ADARB2: variants seen among roughly 807,000 people sequenced by gnomAD.
ADARB2 encodes inactive double-stranded RNA-specific editase B2.
Under a neutral mutation model 62.2 loss-of-function variants are expected in ADARB2, and 25 were observed. That is an observed-to-expected ratio of 0.40 (90% CI 0.29 to 0.56). ADARB2 has a LOEUF of 0.56. ADARB2 is among the 20% of genes least tolerant of loss of function. The pLI is 0.43. For missense variants in ADARB2, 1,071 were observed against 1,077.4 expected (o/e 0.99, Z 0.08); for synonymous variants, 572 against 500.8 (o/e 1.14, Z -1.90).
chr10:1,291,269 T>C (rs895438245), intron 3 of ADARB2: 1 of 152,236 alleles, frequency 6.6e-6, no homozygotes, highest in African/African-American at 2.4e-5. Flanking sequence ...CAGACCTCTT[T>C]GTCCCATGAC....
At position 1,302,695 on chromosome 10, in the gene ADARB2, T is replaced by G. The variant is rs377463219; in HGVS notation, c.1078-31626A>C. ...GCTGGAGATCTGAGAACGGGCAGAC[T>G]GCCTCCTCAAGTGGGTCCCTGACCC... On this transcript the variant is annotated intron_variant, in intron 3 of 9. Transcript: ENST00000381312. Among the ~76,000 whole-genome samples, 11 of 152,360 alleles carry G rather than the reference T, an allele frequency of 7.2e-5. No homozygotes were observed. The South Asian group carries it at 2.1e-3, about 29-fold the overall frequency.
chr10:1,479,754 G>A (rs1831444383), intron 1 of ADARB2, among the ~76,000 whole-genome samples: 1 of 152,196 alleles, frequency 6.6e-6, no homozygotes, highest in African/African-American at 2.4e-5. Context: ...ATTGATTTAT[G>A]TTGATCAAAG....
At chr10:1,442,208 T>C (rs1830915836) in intron 1 of ADARB2, among the ~76,000 whole-genome samples, 1 of 152,224 alleles carries the variant, frequency 6.6e-6, no homozygotes, top group African/African-American at 2.4e-5. Context: ...GTTTCCCTTT[T>C]TCCAAGAACC....
chr10:1,194,388 C>T (rs1836879416), intron 8 of ADARB2, among the ~76,000 whole-genome samples: 1 of 152,210 alleles, frequency 6.6e-6, no homozygotes, highest in African/African-American at 2.4e-5. Flanking sequence ...CTGAAACTTC[C>T]AGCTTGCCGG....
chr10:1,220,947 T>TATTTTTGGAGGTGTTC (rs1329076820), intron 6 of ADARB2, among the ~76,000 whole-genome samples: 5 of 152,210 alleles, frequency 3.3e-5, no homozygotes, highest in African/African-American at 1.2e-4. Context: ...CCTGAGTGTT[T>TATTTTTGGAGGTGTTC]ATTTTTGGAG....
At chr10:1,303,652 G>A (rs993589180) in intron 3 of ADARB2, among the ~76,000 whole-genome samples, 1 of 151,974 alleles carries the variant, frequency 6.6e-6, no homozygotes, top group African/African-American at 2.4e-5. Context: ...CCCTCAAAGG[G>A]AAGCCCATCA....
chr10:1,697,999 C>T (rs1168543330), intron 1 of ADARB2, among the ~76,000 whole-genome samples: 6 of 152,136 alleles, frequency 3.9e-5, no homozygotes, highest in East Asian at 1.9e-4. Flanking sequence ...CAATAATACG[C>T]GACTTTCACC....
intron 3 of ADARB2, among the ~76,000 whole-genome samples, chr10:1,298,720 A>ATTTTTT (rs75978268): frequency 1.8e-5 from 2 of 110,778 alleles, no homozygotes; most frequent in South Asian, 2.6e-4. Context: ...TGCGACGGGA[A>ATTTTTT]TTTTTTTTTT....
intron 3 of ADARB2, among the ~76,000 whole-genome samples, chr10:1,317,204 C>T (rs965556414): frequency 2.6e-5 from 4 of 152,136 alleles, no homozygotes; most frequent in Non-Finnish European, 1.5e-5. Context: ...TAAAGTCTTA[C>T]TTATATTAGA....
intron 1 of ADARB2, among the ~76,000 whole-genome samples, chr10:1,437,849 AGGG>A (rs1405817967): frequency 5.3e-5 from 8 of 152,232 alleles, no homozygotes; most frequent in African/African-American, 1.7e-4. Flanking sequence ...TGGGACGTGT[AGGG>A]CAGATGGAAT....
chr10:1,404,302 C>T (rs1213018695), intron 1 of ADARB2, among the ~76,000 whole-genome samples: 1 of 152,178 alleles, frequency 6.6e-6, no homozygotes, highest in African/African-American at 2.4e-5. Context: ...TCGGGAGATG[C>T]CCAGGCTGGT....
chr10:1,603,806 T>C (rs1252104139), intron 1 of ADARB2, among the ~76,000 whole-genome samples: 3 of 151,916 alleles, frequency 2.0e-5, no homozygotes, highest in African/African-American at 7.3e-5. Context: ...ATATATTTTA[T>C]TTATTTATTT....
At chr10:1,695,604 G>T (rs190754788) in intron 1 of ADARB2, among the ~76,000 whole-genome samples, 18 of 140,008 alleles carry the variant, frequency 1.3e-4, no homozygotes, top group Non-Finnish European at 1.9e-4. Context: ...TGTATACACA[G>T]AAACATGCAT....
chr10:1,196,324 A>G (rs988437816), intron 8 of ADARB2, among the ~76,000 whole-genome samples: 6 of 149,934 alleles, frequency 4.0e-5, no homozygotes, highest in African/African-American at 1.2e-4. Context: ...TCTATTCTCA[A>G]TGTAGGATTG....
intron 1 of ADARB2, among the ~76,000 whole-genome samples, chr10:1,429,027 G>GA (rs562862167): frequency 2.0e-5 from 3 of 149,446 alleles, no homozygotes; most frequent in African/African-American, 7.4e-5. Flanking sequence ...CAGGTGGGTG[G>GA]GGGCACCAGT....
intron 1 of ADARB2, among the ~76,000 whole-genome samples, chr10:1,685,752 G>T (rs1834589795): frequency 6.6e-6 from 1 of 152,158 alleles, no homozygotes; most frequent in Non-Finnish European, 1.5e-5. Flanking sequence ...ACACCCCAAG[G>T]GTCCTGCCCA....
chr10:1,690,589 A>AAGGAGAGAAAGGCAGAT (rs1588353809), intron 1 of ADARB2, among the ~76,000 whole-genome samples: 1 of 152,044 alleles, frequency 6.6e-6, no homozygotes, highest in East Asian at 1.9e-4. Context: ...AAATAACTGG[A>AAGGAGAGAAAGGCAGAT]AGGAGAGAAA....
intron 1 of ADARB2, among the ~76,000 whole-genome samples, chr10:1,507,869 C>T (rs1831871825): frequency 6.6e-6 from 1 of 152,180 alleles, no homozygotes; most frequent in African/African-American, 2.4e-5. Context: ...ACCATGGTGC[C>T]CTTCTTGCCG....
intron 1 of ADARB2, among the ~76,000 whole-genome samples, chr10:1,615,877 C>T (rs753301586): frequency 1.9e-4 from 29 of 152,180 alleles, no homozygotes; most frequent in Admixed American, 2.0e-4. Context: ...GTTGTAAACA[C>T]GCCGAATTCA....
Sources: allele counts gnomAD v4.1 joint callset (sites outside exome capture counted in the v4.1 genomes callset), GRCh38; gene constraint gnomAD v4.1.1; transcripts MANE v1.5; gene names NCBI Gene and HGNC (gene_info 2026-07-23, HGNC 2026-07-21).